Variants in TLK1 observed in about 807,000 individuals in gnomAD.
The protein encoded by TLK1 is serine/threonine-protein kinase tousled-like 1.
TLK1 carries 24 observed loss-of-function variants against 105.3 expected under a neutral mutation model. The observed-to-expected ratio is 0.23, with a 90% CI of 0.17 to 0.32. TLK1 has a LOEUF of 0.32. TLK1 is among the 10% of genes least tolerant of loss of function. TLK1 has a pLI of 1.00. For missense variants in TLK1, 558 were observed against 910.5 expected (o/e 0.61, Z 4.98); for synonymous variants, 321 against 310.4 (o/e 1.03, Z -0.36).
intron 1 of TLK1, among the ~76,000 whole-genome samples, chr2:171,158,906 C>G (rs1406980139): frequency 6.6e-6 from 1 of 152,184 alleles, no homozygotes; most frequent in Non-Finnish European, 1.5e-5. Context: ...CAATGTATTC[C>G]GCATGTTTAA....
intron 11 of TLK1, among the ~76,000 whole-genome samples, chr2:171,034,617 A>T (rs1217206180): frequency 6.6e-6 from 1 of 152,202 alleles, no homozygotes; most frequent in African/African-American, 2.4e-5. Context: ...TAACGTGCAC[A>T]GTGTTCCTCT....
intron 1 of TLK1, among the ~76,000 whole-genome samples, chr2:171,145,019 C>T (rs899598671): frequency 2.0e-5 from 3 of 152,060 alleles, no homozygotes; most frequent in African/African-American, 4.8e-5. Context: ...ACACAGATAC[C>T]ATCTTACAGC....
chr2:171,221,779 A>C (rs62169018), intron 1 of TLK1, among the ~76,000 whole-genome samples: 9,762 of 152,238 alleles, frequency 0.064, 415 homozygotes, highest in Middle Eastern at 0.11. Context: ...TCCTCTGTAC[A>C]CATGGAAAAA....
At chr2:171,010,528 G>C (rs1684863298) in intron 14 of TLK1, among the ~76,000 whole-genome samples, 1 of 151,114 alleles carries the variant, frequency 6.6e-6, no homozygotes, top group African/African-American at 2.4e-5. Context: ...GTGAATGAGA[G>C]AGGATAAAAA....
At chr2:171,122,767 A>G (rs1382442239) in intron 1 of TLK1, among the ~76,000 whole-genome samples, 1 of 152,124 alleles carries the variant, frequency 6.6e-6, no homozygotes, top group African/African-American at 2.4e-5. Flanking sequence ...GGCCAGGTGC[A>G]GTGGCTCACA....
intron 3 of TLK1, among the ~76,000 whole-genome samples, chr2:171,061,609 A>G (rs1687753448): frequency 6.6e-6 from 1 of 152,192 alleles, no homozygotes; most frequent in Non-Finnish European, 1.5e-5. Context: ...CCTGATATAC[A>G]CAATCCCTAC....
At chr2:171,054,835 A>G (rs977195334) in intron 7 of TLK1, 4 of 273,768 alleles carry the variant, frequency 1.5e-5, no homozygotes, top group Non-Finnish European at 2.8e-5. Context: ...CTTGGAAATT[A>G]AGTTCAGAAA....
chr2:171,173,957 G>A (rs1692775577), intron 1 of TLK1, among the ~76,000 whole-genome samples: 1 of 152,062 alleles, frequency 6.6e-6, no homozygotes, highest in Non-Finnish European at 1.5e-5. Flanking sequence ...CACTCCCTAA[G>A]ACTACGGTGT....
chr2:171,171,298 G>C (rs1420545014), intron 1 of TLK1, among the ~76,000 whole-genome samples: 1 of 151,982 alleles, frequency 6.6e-6, no homozygotes, highest in Non-Finnish European at 1.5e-5. Context: ...AAGCTACAGT[G>C]AACTGAGATC....
chr2:171,162,894 A>T (rs111663609), upstream of TLK1, among the ~76,000 whole-genome samples: 17,401 of 152,196 alleles, frequency 0.11, 1,547 homozygotes, highest in African/African-American at 0.24. Context: ...CCGGGTTCAA[A>T]TGATTCTCCT....
At chr2:171,074,626 C>CAAA (rs372844435) in intron 3 of TLK1, among the ~76,000 whole-genome samples, 70 of 89,812 alleles carry the variant, frequency 7.8e-4, no homozygotes, top group East Asian at 1.2e-3. Context: ...GACTCTGCCT[C>CAAA]AAAAAAAAAA....
At chr2:171,141,072 A>G (rs953065452) in intron 1 of TLK1, among the ~76,000 whole-genome samples, 1 of 152,238 alleles carries the variant, frequency 6.6e-6, no homozygotes, top group Non-Finnish European at 1.5e-5. Context: ...GCACACAGGA[A>G]TAAAAAGATA....
intron 3 of TLK1, among the ~76,000 whole-genome samples, chr2:171,064,395 A>T (rs905099623): frequency 2.0e-5 from 3 of 152,044 alleles, no homozygotes; most frequent in South Asian, 2.1e-4. Context: ...GACAGCTTTT[A>T]AAAAAAACTA....
intron 1 of TLK1, among the ~76,000 whole-genome samples, chr2:171,195,868 G>T (rs955921856): frequency 1.3e-5 from 2 of 151,850 alleles, no homozygotes; most frequent in Admixed American, 1.3e-4. Flanking sequence ...GGCCAACATG[G>T]CAAAACCCCG....
At chr2:171,085,207 T>C (rs1393443546) in intron 2 of TLK1, among the ~76,000 whole-genome samples, 1 of 152,152 alleles carries the variant, frequency 6.6e-6, no homozygotes, top group East Asian at 1.9e-4. Flanking sequence ...CTGACCAACA[T>C]GGTGAAACCC....
chr2:171,115,223 G>C (rs1318184366), intron 2 of TLK1, among the ~76,000 whole-genome samples: 1 of 144,778 alleles, frequency 6.9e-6, no homozygotes, highest in East Asian at 2.0e-4. Flanking sequence ...CCAGGCTGGA[G>C]TGCAATGGCG....
intron 6 of TLK1, among the ~76,000 whole-genome samples, 163 bp downstream of exon 6, chr2:171,056,308 A>G (rs1378910688): frequency 6.6e-6 from 1 of 152,114 alleles, no homozygotes; most frequent in Non-Finnish European, 1.5e-5. Context: ...AGCACCAGAT[A>G]ACTTAAAAGG....
At chr2:171,017,605 A>G (rs1685269967) in intron 12 of TLK1, among the ~76,000 whole-genome samples, 1 of 152,214 alleles carries the variant, frequency 6.6e-6, no homozygotes, top group Non-Finnish European at 1.5e-5. Flanking sequence ...TCAATATTAC[A>G]AAATAAATAC....
Position 171,115,170 on chromosome 2 carries a change from C to CTTTTTTTTTTTTTTT in TLK1, c.258+2568_258+2569insAAAAAAAAAAAAAAA, listed in dbSNP as rs373796060. ...ATCTTGCTTCATCTTTTAAGAATTTCTTTCTTTTTTTTTTTTTTGAGACTG... is the reference window on the plus strand; with the variant it reads ...ATCTTGCTTCATCTTTTAAGAATTTCTTTTTTTTTTTTTTTTTTCTTTTTTTTTTTTTTGAGACTG... On this transcript the variant is annotated intron_variant, in intron 2 of 20. Coordinates refer to ENST00000431350, the MANE Select transcript of TLK1 (RefSeq NM_012290.5). 2.9e-4 allele frequency among the ~76,000 whole-genome samples: 39 copies of CTTTTTTTTTTTTTTT among 135,760 alleles called. 2 individuals are homozygous for CTTTTTTTTTTTTTTT. The highest frequency in any genetic ancestry group is 7.2e-4 in the African/African-American group (24 of 33,136). The allele number at this position is 135,760 out of a possible 152,430, so 89.1% of individuals were successfully genotyped here. A position where few individuals can be genotyped will look rare whatever the true frequency, so the allele number is the denominator to read the frequency against.
Sources: allele counts gnomAD v4.1 joint callset (sites outside exome capture counted in the v4.1 genomes callset), GRCh38; gene constraint gnomAD v4.1.1; transcripts MANE v1.5; gene names NCBI Gene and HGNC (gene_info 2026-07-23, HGNC 2026-07-21).